EBF2: variants seen among roughly 807,000 people sequenced by gnomAD.
The protein encoded by EBF2 is EBF transcription factor 2, also known as transcription factor COE2.
Under a neutral mutation model 72.8 loss-of-function variants are expected in EBF2, and 21 were observed. The ratio of observed to expected loss-of-function variants is 0.29; its 90% CI spans 0.20 to 0.42. The LOEUF (loss-of-function observed/expected upper bound fraction) is 0.42. EBF2 is among the 10% of genes least tolerant of loss of function. The pLI, the probability that EBF2 is intolerant of heterozygous loss-of-function variation, is 1.00. For synonymous variants in EBF2, 299 were observed against 274.2 expected (o/e 1.09, Z -0.89); for missense variants, 637 against 731.2 (o/e 0.87, Z 1.49).
chr8:25,965,079 A>T (rs1455544490), intron 6 of EBF2, among the ~76,000 whole-genome samples: 1 of 152,210 alleles, frequency 6.6e-6, no homozygotes, highest in East Asian at 1.9e-4. Flanking sequence ...ATTATTTGGT[A>T]TTAAAACATA....
At chr8:25,891,494 A>T (rs1802779670) in intron 7 of EBF2, among the ~76,000 whole-genome samples, 1 of 151,822 alleles carries the variant, frequency 6.6e-6, no homozygotes, top group Non-Finnish European at 1.5e-5. Context: ...CTTCCTGTCT[A>T]CTCCCAAATT....
intron 10 of EBF2, among the ~76,000 whole-genome samples, chr8:25,863,630 A>G (rs1429587665): frequency 1.3e-5 from 2 of 152,204 alleles, no homozygotes; most frequent in Admixed American, 1.3e-4. Flanking sequence ...AGAATGAAAT[A>G]ATCACCTGCA....
At chr8:26,030,932 C>G (rs2117255230) in intron 6 of EBF2, among the ~76,000 whole-genome samples, 1 of 152,214 alleles carries the variant, frequency 6.6e-6, no homozygotes, top group African/African-American at 2.4e-5. Context: ...TTCTTTTGTA[C>G]ATGTAATATG....
intron 5 of EBF2, among the ~76,000 whole-genome samples, chr8:26,037,835 A>G (rs1261959447): frequency 6.6e-6 from 1 of 152,210 alleles, no homozygotes; most frequent in Non-Finnish European, 1.5e-5. Context: ...AGTTATTCCT[A>G]AAGAGATTTA....
At chr8:25,979,557 C>T (rs781463091) in intron 6 of EBF2, among the ~76,000 whole-genome samples, 3 of 152,210 alleles carry the variant, frequency 2.0e-5, no homozygotes, top group Admixed American at 6.5e-5. Context: ...GCAGGGCTGG[C>T]ATATCTCCCA....
intron 6 of EBF2, among the ~76,000 whole-genome samples, chr8:25,938,216 T>C (rs1366626434): frequency 2.0e-5 from 3 of 152,124 alleles, no homozygotes; most frequent in African/African-American, 4.8e-5. Flanking sequence ...TCACAGCTTG[T>C]CTTTAATATT....
intron 7 of EBF2, among the ~76,000 whole-genome samples, chr8:25,903,963 C>T (rs2117308539): frequency 6.6e-6 from 1 of 152,208 alleles, no homozygotes; most frequent in Admixed American, 6.5e-5. Context: ...AGAAATCATC[C>T]AGGAACAGAG....
chr8:25,923,870 T>C (rs976629502), intron 6 of EBF2, among the ~76,000 whole-genome samples: 1 of 152,238 alleles, frequency 6.6e-6, no homozygotes, highest in Non-Finnish European at 1.5e-5. Context: ...TTTTTAATGA[T>C]AAAGCAGTTA....
At chr8:26,040,492 G>A (rs114953177) in intron 4 of EBF2, 124 bp downstream of exon 4, 8 of 844,330 alleles carry the variant, frequency 9.5e-6, no homozygotes, top group Non-Finnish European at 1.3e-5. Flanking sequence ...GGAGGGGGAC[G>A]TGGAGGGGGC....
intron 6 of EBF2, among the ~76,000 whole-genome samples, chr8:25,937,171 C>A (rs983547393): frequency 2.6e-5 from 4 of 152,148 alleles, no homozygotes; most frequent in Non-Finnish European, 5.9e-5. Context: ...AATGTGTTTG[C>A]AAAGCCATGA....
In EBF2 at chr8:25,842,446, T is replaced by C. The variant is rs1409134322; in HGVS notation, c.*2163A>G. Reference sequence around the variant, plus strand: ...AATTCACAGGTTCTAAAAGCAATGCTACTTAAAAAAAACAAAATTTCCTTA... The same window carrying C: ...AATTCACAGGTTCTAAAAGCAATGCCACTTAAAAAAAACAAAATTTCCTTA... On this transcript the variant is annotated 3_prime_UTR_variant, in exon 16 of 16. Transcript: ENST00000520164. 3 of 152,118 alleles carry C rather than the reference T, an allele frequency of 2.0e-5. No individual in the cohort carries two copies. Among genetic ancestry groups the C allele is most frequent in the Admixed American group, 6.5e-5 (1 of 15,276 alleles). The allele number at this position is 152,118 out of a possible 1,614,324, so 9.4% of individuals were successfully genotyped here.
In EBF2 at chr8:26,006,870, C is replaced by T. The variant is rs533843460; in HGVS notation, c.551+26215G>A. 1.4e-4 allele frequency among the ~76,000 whole-genome samples: 22 copies of T among 152,314 alleles called. No homozygotes were observed. In the South Asian group the frequency reaches 2.1e-3, roughly 14 times the overall value. On this transcript the variant is annotated intron_variant, in intron 6 of 15. Transcript: ENST00000520164. Reference sequence around the variant, plus strand: ...TGAACACAGCAGGACCCACTTGATTCATACTTTTTGGTCAATAATCCAATA... The same window carrying T: ...TGAACACAGCAGGACCCACTTGATTTATACTTTTTGGTCAATAATCCAATA...
At chr8:25,930,965 T>C (rs1374328553) in intron 6 of EBF2, among the ~76,000 whole-genome samples, 1 of 152,202 alleles carries the variant, frequency 6.6e-6, no homozygotes, top group Non-Finnish European at 1.5e-5. Flanking sequence ...TCAGAGATTA[T>C]ATGGCCTCAT....
chr8:25,990,475 C>A (rs972286606), intron 6 of EBF2, among the ~76,000 whole-genome samples: 1 of 152,136 alleles, frequency 6.6e-6, no homozygotes, highest in African/African-American at 2.4e-5. Flanking sequence ...GGGCCAAGCA[C>A]TCATGTTCAG....
chr8:26,036,481 A>G (rs1439319848), intron 5 of EBF2, among the ~76,000 whole-genome samples: 1 of 152,240 alleles, frequency 6.6e-6, no homozygotes, highest in African/African-American at 2.4e-5. Flanking sequence ...ACTTGGTTGA[A>G]TTAGCCCCAT....
chr8:26,005,440 A>ATATATTATG, intron 6 of EBF2, among the ~76,000 whole-genome samples: 3 of 3,720 alleles, frequency 8.1e-4, no homozygotes, highest in African/African-American at 2.9e-3. Flanking sequence ...TATATATTAT[A>ATATATTATG]TTATAAAATA....
In EBF2 at chr8:26,044,187, C is replaced by G. The variant is rs1175066566; in HGVS notation, c.131+542G>C. Among the ~76,000 whole-genome samples the G allele has an allele frequency of 1.3e-5, 2 of 152,238 alleles. No individual in the cohort carries two copies. Among genetic ancestry groups the G allele is most frequent in the Non-Finnish European group, 2.9e-5 (2 of 68,042 alleles). ...CCCCCCTCCCAGAGCTCCCGGCCGC[C>G]TCGTCTTCCCGGGCAGCCGCTCCGG... On this transcript the variant is annotated intron_variant, in intron 1 of 15. Coordinates refer to ENST00000520164, the MANE Select transcript of EBF2 (RefSeq NM_022659.4). The surrounding 1 kb of genome is among the most constrained non-coding windows in gnomAD (Gnocchi z 4.1).
chr8:25,991,761 G>A (rs367625306), intron 6 of EBF2, among the ~76,000 whole-genome samples: 9 of 152,022 alleles, frequency 5.9e-5, no homozygotes, highest in African/African-American at 1.7e-4. Flanking sequence ...AAGGAGAATC[G>A]CTTGTACCCA....
chr8:25,934,266 CA>C (rs1803537175), intron 6 of EBF2, among the ~76,000 whole-genome samples: 1 of 143,158 alleles, frequency 7.0e-6, no homozygotes, highest in Non-Finnish European at 1.5e-5. Flanking sequence ...CACACACACA[CA>C]CACACACACC....
Sources: gnomAD v4.1 joint callset for allele counts (sites outside exome capture counted in the v4.1 genomes callset) on GRCh38, gnomAD v4.1.1 for gene constraint, Gnocchi (gnomAD v3.1) non-coding constraint, MANE v1.5 for transcripts, NCBI Gene and HGNC (gene_info 2026-07-23, HGNC 2026-07-21) for gene names.